MAGI2: variants seen among roughly 807,000 people sequenced by gnomAD.
MAGI2 encodes the protein membrane associated guanylate kinase, WW and PDZ domain containing 2.
In MAGI2, 35 loss-of-function variants were observed where a neutral mutation model predicts 133.3. That is an observed-to-expected ratio of 0.26 (90% CI 0.20 to 0.35). The LOEUF (loss-of-function observed/expected upper bound fraction) is 0.35, where lower values mean the gene tolerates loss of function less well. MAGI2 is among the 10% of genes least tolerant of loss of function. The probability of loss-of-function intolerance (pLI) is 1.00; values close to 1 mark genes in which losing one functional copy is unlikely to be tolerated. For missense variants in MAGI2, 1,636 were observed against 1,863.4 expected (o/e 0.88, Z 2.25); for synonymous variants, 729 against 710.6 (o/e 1.03, Z -0.41).
At chr7:78,036,913 C>G (rs1203813144) in intron 21 of MAGI2, among the ~76,000 whole-genome samples, 1 of 152,134 alleles carries the variant, frequency 6.6e-6, no homozygotes, top group Non-Finnish European at 1.5e-5. Context: ...CATGCTTGGC[C>G]TCTTTAGGTA....
chr7:79,285,901 T>C (rs1918933), intron 1 of MAGI2, among the ~76,000 whole-genome samples: 2,148 of 152,234 alleles, frequency 0.014, 27 homozygotes, highest in Non-Finnish European at 0.018. Flanking sequence ...AATGTATATG[T>C]TCAATAAATC....
At chr7:78,939,251 C>T (rs559693450) in intron 2 of MAGI2, among the ~76,000 whole-genome samples, 51 of 152,276 alleles carry the variant, frequency 3.3e-4, no homozygotes, top group South Asian at 2.3e-3. Flanking sequence ...GCCTTGGCCT[C>T]CCAAAGTGCT....
chr7:78,159,514 C>T (rs2150605559), intron 16 of MAGI2, among the ~76,000 whole-genome samples: 1 of 152,320 alleles, frequency 6.6e-6, no homozygotes, highest in South Asian at 2.1e-4. Context: ...CCTCCTGCCA[C>T]TCTCCCTTGC....
intron 2 of MAGI2, among the ~76,000 whole-genome samples, chr7:78,728,976 G>C (rs889757194): frequency 3.3e-5 from 5 of 152,188 alleles, no homozygotes; most frequent in African/African-American, 1.2e-4. Flanking sequence ...TTAGGCTTCT[G>C]CTCACTGAAA....
chr7:79,164,933 TC>T (rs1824771460), intron 1 of MAGI2, among the ~76,000 whole-genome samples: 1 of 152,120 alleles, frequency 6.6e-6, no homozygotes, highest in Non-Finnish European at 1.5e-5. Flanking sequence ...ACTGTGTTCC[TC>T]TAAATTAGTA....
At chr7:79,091,468 T>C (rs1272152684) in intron 1 of MAGI2, among the ~76,000 whole-genome samples, 1 of 152,210 alleles carries the variant, frequency 6.6e-6, no homozygotes, top group Non-Finnish European at 1.5e-5. Context: ...ATTATTATAC[T>C]GTTACTAATG....
chr7:79,336,779 G>A (rs1329977242), intron 1 of MAGI2, among the ~76,000 whole-genome samples: 1 of 152,016 alleles, frequency 6.6e-6, no homozygotes, highest in Non-Finnish European at 1.5e-5. Context: ...GCAAATGGCA[G>A]GATCTCCTTT....
In MAGI2 at chr7:79,137,344, A is replaced by T. The variant is rs571063836; in HGVS notation, c.302-130138T>A. ...AACTCTCTAATGGCCATTCTGAGGG[A>T]TGCCATGGGAGCTCTTAATCCTGCT... On this transcript the variant is annotated intron_variant, in intron 1 of 21. Coordinates refer to ENST00000354212, the MANE Select transcript of MAGI2 (RefSeq NM_012301.4). Among the ~76,000 whole-genome samples, 73 of 151,964 alleles carry T rather than the reference A, an allele frequency of 4.8e-4. 1 individual carries two copies. The highest frequency in any genetic ancestry group is 1.7e-3 in the African/African-American group (70 of 41,452).
chr7:78,668,702 G>A (rs111523994), intron 2 of MAGI2, among the ~76,000 whole-genome samples: 7,646 of 151,944 alleles, frequency 0.05, 285 homozygotes, highest in East Asian at 0.15. Context: ...GTAAAAGTAC[G>A]GAAATTATAA....
intron 9 of MAGI2, among the ~76,000 whole-genome samples, chr7:78,278,895 G>C (rs991873213): frequency 6.6e-6 from 1 of 152,112 alleles, no homozygotes; most frequent in Non-Finnish European, 1.5e-5. Context: ...GCTATACAGA[G>C]ACCAAAGCTC....
rs541602346 is a variant in MAGI2 at position 79,209,320 on chromosome 7, T to C, written c.302-202114A>G. Among the ~76,000 whole-genome samples the C allele has an allele frequency of 1.8e-4, 28 of 152,140 alleles. 1 individual carries two copies. The highest frequency in any genetic ancestry group is 6.5e-4 in the African/African-American group (27 of 41,452). On this transcript the variant is annotated intron_variant, in intron 1 of 21. Coordinates refer to ENST00000354212, the MANE Select transcript of MAGI2 (RefSeq NM_012301.4). ...TTTATCTGTCGCAAAAACATAAATATACTAAATACAATGAAAGTGATTACA... is the reference window on the plus strand; with the variant it reads ...TTTATCTGTCGCAAAAACATAAATACACTAAATACAATGAAAGTGATTACA...
chr7:79,026,016 C>A (rs1409593453), intron 1 of MAGI2, among the ~76,000 whole-genome samples: 1 of 152,156 alleles, frequency 6.6e-6, no homozygotes, highest in Non-Finnish European at 1.5e-5. Flanking sequence ...CACTTATACA[C>A]TTACCAGGCA....
chr7:78,834,491 C>T (rs1314856699), intron 2 of MAGI2, among the ~76,000 whole-genome samples: 4 of 152,158 alleles, frequency 2.6e-5, no homozygotes, highest in Non-Finnish European at 5.9e-5. Context: ...TTTTCAAGTT[C>T]ATCCATGTCA....
intron 2 of MAGI2, among the ~76,000 whole-genome samples, chr7:78,833,761 TTTG>T (rs1230728146): frequency 1.3e-5 from 2 of 152,160 alleles, no homozygotes; most frequent in Non-Finnish European, 2.9e-5. Flanking sequence ...TGTAATATCC[TTTG>T]TTGTTGTACT....
chr7:78,303,912 C>A (rs1334155810), intron 9 of MAGI2, among the ~76,000 whole-genome samples: 2 of 152,118 alleles, frequency 1.3e-5, no homozygotes, highest in African/African-American at 4.8e-5. Context: ...ATTGAATAGG[C>A]ATTTAAAATT....
At chr7:79,088,993 C>T (rs1231013113) in intron 1 of MAGI2, among the ~76,000 whole-genome samples, 1 of 151,884 alleles carries the variant, frequency 6.6e-6, no homozygotes, top group Non-Finnish European at 1.5e-5. Flanking sequence ...AAAAGAAACT[C>T]GCATCAGAGT....
chr7:78,369,664 A>G (rs1408719036), intron 6 of MAGI2, among the ~76,000 whole-genome samples: 1 of 152,130 alleles, frequency 6.6e-6, no homozygotes, highest in African/African-American at 2.4e-5. Flanking sequence ...TAAATTCTCA[A>G]TTGATATCCC....
chr7:79,285,311 A>G (rs1835921065), intron 1 of MAGI2, among the ~76,000 whole-genome samples: 1 of 152,078 alleles, frequency 6.6e-6, no homozygotes, highest in South Asian at 2.1e-4. Context: ...ATTCTTTTTT[A>G]AAGTTTTTTC....
intron 2 of MAGI2, among the ~76,000 whole-genome samples, chr7:78,787,086 T>G (rs62469575): frequency 0.082 from 12,397 of 152,100 alleles, 683 homozygotes; most frequent in Middle Eastern, 0.14. Context: ...TAGCTGGGAT[T>G]ACAGGTGTGC....
Sources: gnomAD v4.1 joint callset for allele counts (sites outside exome capture counted in the v4.1 genomes callset) on GRCh38, gnomAD v4.1.1 for gene constraint, MANE v1.5 for transcripts, NCBI Gene and HGNC (gene_info 2026-07-23, HGNC 2026-07-21) for gene names.